Variants in MMD2 observed in about 807,000 individuals in gnomAD.
MMD2 encodes monocyte to macrophage differentiation associated 2.
Under a neutral mutation model 33.5 loss-of-function variants are expected in MMD2, and 30 were observed. The ratio of observed to expected loss-of-function variants is 0.90; its 90% confidence interval spans 0.67 to 1.22. The LOEUF is 1.22. Ranked by LOEUF, MMD2 falls within the 50% of genes most tolerant of loss-of-function variation. The probability of loss-of-function intolerance (pLI) is 0.00; values close to 1 mark genes in which losing one functional copy is unlikely to be tolerated. For synonymous variants in MMD2, 129 were observed against 123.0 expected, an observed-to-expected ratio of 1.05 and a Z score of -0.32; for missense variants, 364 against 325.4, an observed-to-expected ratio of 1.12 and a Z score of -0.91.
At chr7:4,895,867 G>A in the MMD2 span, among the ~76,000 whole-genome samples, 1 of 152,056 alleles carries the variant, frequency 6.6e-6, no homozygotes, top group Non-Finnish European at 1.5e-5. Context: ...AGGACAACCT[G>A]TACACCCCAG....
intron 3 of MMD2, among the ~76,000 whole-genome samples, chr7:4,918,899 G>C (rs886947280): frequency 3.3e-5 from 5 of 151,850 alleles, no homozygotes; most frequent in African/African-American, 1.2e-4. Flanking sequence ...GGAATTCAAG[G>C]CCAGCCTGGG....
downstream of MMD2, among the ~76,000 whole-genome samples, chr7:4,903,259 G>A (rs1010377744): frequency 1.3e-5 from 2 of 151,988 alleles, no homozygotes; most frequent in African/African-American, 4.8e-5. Context: ...AAAAACAAAC[G>A]AGAGTTTGGG....
At chr7:4,937,416 AAAAG>A (rs879721443) in intron 1 of MMD2, among the ~76,000 whole-genome samples, 4 of 151,982 alleles carry the variant, frequency 2.6e-5, no homozygotes, top group Admixed American at 6.6e-5. Flanking sequence ...AAAAGAAAGA[AAAAG>A]AAAGAAAGAG....
chr7:4,896,748 T>C, the MMD2 span, among the ~76,000 whole-genome samples: 2 of 152,254 alleles, frequency 1.3e-5, 1 homozygote, highest in Non-Finnish European at 2.9e-5. Context: ...GTTTTCATTT[T>C]CTTTGTCTTT....
chr7:4,925,481 A>G lies in MMD2; in HGVS notation c.99T>C (p.Tyr33=), dbSNP rs1785401669. 4 of 1,576,576 alleles carry G rather than the reference A, an allele frequency of 2.5e-6. No individual in the cohort carries two copies. The highest frequency in any genetic ancestry group is 3.4e-6 in the Non-Finnish European group (4 of 1,159,580). ...GGGTGGCACAGTTGGCCGCATGTTC[A>G]TACTCTGTGGGCTGGTACCTCTTGT... ...PAHKRYQPTE[Y]EHAANCATHA... is the part of the protein sequence containing the mutation. The change falls in exon 2 of 7, where the codon TAT becomes TAC. Residue 33 remains tyrosine (Y), a synonymous_variant. Coordinates refer to ENST00000401401, the MANE Select transcript of MMD2 (RefSeq NM_198403.4).
intron 2 of MMD2, among the ~76,000 whole-genome samples, chr7:4,922,275 A>G (rs1025952056): frequency 6.6e-6 from 1 of 151,944 alleles, no homozygotes; most frequent in African/African-American, 2.4e-5. Context: ...TCTTAAAAAA[A>G]TAAACAAAAA....
At chr7:4,904,211 G>A (rs903666307), downstream of MMD2, among the ~76,000 whole-genome samples, 3 of 152,080 alleles carry the variant, frequency 2.0e-5, no homozygotes, top group African/African-American at 4.8e-5. Context: ...GGAATTACAG[G>A]CATGAGCCAC....
downstream of MMD2, among the ~76,000 whole-genome samples, chr7:4,905,248 G>A (rs927877311): frequency 2.0e-5 from 3 of 150,940 alleles, no homozygotes. This position sits in a 1 kb window ranked among gnomAD's most constrained non-coding sequence, Gnocchi z 5.0. Flanking sequence ...GAAGGAGAAG[G>A]AGGAGAAGAG....
chr7:4,897,700 G>T, the MMD2 span, among the ~76,000 whole-genome samples: 1 of 152,034 alleles, frequency 6.6e-6, no homozygotes, highest in Admixed American at 6.6e-5. Flanking sequence ...CCAACACTGG[G>T]TGCCCTCCTT....
At chr7:4,901,418 G>T (rs1158587823), downstream of MMD2, among the ~76,000 whole-genome samples, 1 of 152,228 alleles carries the variant, frequency 6.6e-6, no homozygotes, top group Non-Finnish European at 1.5e-5. Flanking sequence ...TCCAGCCTGG[G>T]TGACAGAGAA....
intron 1 of MMD2, among the ~76,000 whole-genome samples, chr7:4,954,987 AG>A: frequency 6.6e-6 from 1 of 152,156 alleles, no homozygotes; most frequent in East Asian, 1.9e-4. Flanking sequence ...ATCCTTGCCT[AG>A]GTTTATCAGC....
chr7:4,892,502 C>T, the MMD2 span, among the ~76,000 whole-genome samples: 2 of 151,608 alleles, frequency 1.3e-5, no homozygotes, highest in Non-Finnish European at 2.9e-5. Context: ...GCAGAAGAAT[C>T]TCTTGAACCT....
chr7:4,939,787 C>T (rs1562491164), intron 1 of MMD2, among the ~76,000 whole-genome samples: 2 of 149,698 alleles, frequency 1.3e-5, no homozygotes, highest in South Asian at 2.1e-4. Context: ...GTTGCCCAGG[C>T]TGGAGTGCAG....
chr7:4,930,183 G>A (rs1280245354), intron 1 of MMD2, among the ~76,000 whole-genome samples: 1 of 150,020 alleles, frequency 6.7e-6, no homozygotes. Context: ...GCAGGAGAAT[G>A]GCATGAACCC....
chr7:4,915,654 C>G (rs1203721192), intron 4 of MMD2, among the ~76,000 whole-genome samples: 1 of 151,676 alleles, frequency 6.6e-6, no homozygotes, highest in African/African-American at 2.4e-5. Context: ...GCAGGAGAAT[C>G]GCTTCAACCA....
In MMD2 at chr7:4,907,720, C is replaced by T; in HGVS notation, c.538-121G>A. The T allele has an allele frequency of 4.7e-6, 4 of 855,786 alleles. No homozygotes were observed. The South Asian group carries it at 6.4e-5, about 14-fold the overall frequency. 53.0% of individuals were successfully genotyped at this position (855,786 alleles called of 1,614,324 possible). ...GCAGATGGCAAACCAGCCCAGACTCCCAGGTGGGAAGCCTCAACACTGACA... is the reference window on the plus strand; with the variant it reads ...GCAGATGGCAAACCAGCCCAGACTCTCAGGTGGGAAGCCTCAACACTGACA... On this transcript the variant is annotated intron_variant, in intron 6 of 6. Coordinates refer to ENST00000401401, the MANE Select transcript of MMD2 (RefSeq NM_198403.4).
intron 1 of MMD2, among the ~76,000 whole-genome samples, chr7:4,929,077 G>A (rs753307515): frequency 9.2e-5 from 14 of 152,164 alleles, no homozygotes; most frequent in Non-Finnish European, 1.8e-4. Context: ...AGGGGGGTCT[G>A]CCAGGCACTG....
At chr7:4,914,563 A>T (rs1298001389) in intron 4 of MMD2, among the ~76,000 whole-genome samples, 1 of 152,140 alleles carries the variant, frequency 6.6e-6, no homozygotes, top group African/African-American at 2.4e-5. Context: ...GTTTGTGACA[A>T]TACCCTCAGA....
At chr7:4,944,760 CTTTTTTTT>C (rs142716643) in intron 1 of MMD2, among the ~76,000 whole-genome samples, 15 of 75,276 alleles carry the variant, frequency 2.0e-4, no homozygotes, top group Non-Finnish European at 3.0e-4. Context: ...TCTTCTTCTT[CTTTTTTTT>C]TTTTTTTTTT....
Sources: gnomAD v4.1 joint callset for allele counts (sites outside exome capture counted in the v4.1 genomes callset) on GRCh38, gnomAD v4.1.1 for gene constraint, Gnocchi (gnomAD v3.1) non-coding constraint, MANE v1.5 for transcripts, NCBI Gene and HGNC (gene_info 2026-07-23, HGNC 2026-07-21) for gene names.